Variants in KCMF1 observed in about 807,000 individuals in gnomAD.
The protein encoded by KCMF1 is E3 ubiquitin-protein ligase KCMF1.
Under a neutral mutation model 41.1 loss-of-function variants are expected in KCMF1, and 3 were observed. The observed-to-expected ratio is 0.07, with a 90% confidence interval of 0.03 to 0.19. The LOEUF is 0.19. KCMF1 is among the 10% of genes least tolerant of loss of function. The probability of loss-of-function intolerance (pLI) is 1.00; values close to 1 mark genes in which losing one functional copy is unlikely to be tolerated. For synonymous variants in KCMF1, 142 were observed against 164.5 expected (o/e 0.86, Z 1.04); for missense variants, 286 against 488.9 (o/e 0.58, Z 3.91).
chr2:84,986,390 G>C (rs1202132089), intron 1 of KCMF1, among the ~76,000 whole-genome samples: 1 of 152,146 alleles, frequency 6.6e-6, no homozygotes. Context: ...TTAAACTCAA[G>C]ACTTGAAGAA....
chr2:85,030,015 T>C (rs1182944290), intron 2 of KCMF1, among the ~76,000 whole-genome samples: 2 of 152,014 alleles, frequency 1.3e-5, no homozygotes, highest in African/African-American at 4.8e-5. Context: ...GCCCACACTT[T>C]TTGTCCTTTT....
chr2:84,991,186 A>G (rs898370403), intron 1 of KCMF1, among the ~76,000 whole-genome samples: 1 of 152,186 alleles, frequency 6.6e-6, no homozygotes, highest in African/African-American at 2.4e-5. Flanking sequence ...GGAGGAATCA[A>G]GGATGACAGC....
chr2:84,985,904 T>C (rs542913593), intron 1 of KCMF1, among the ~76,000 whole-genome samples: 88 of 152,096 alleles, frequency 5.8e-4, no homozygotes, highest in Non-Finnish European at 1.0e-3. Context: ...TAAAAAAATA[T>C]AACACAGAAA....
At chr2:85,030,192 G>A (rs187835933) in intron 2 of KCMF1, among the ~76,000 whole-genome samples, 11 of 152,170 alleles carry the variant, frequency 7.2e-5, no homozygotes, top group Admixed American at 2.0e-4. Context: ...ATTGGATAAT[G>A]TGTCTTTGTT....
chr2:84,998,963 T>TATCG (rs1674254890), intron 1 of KCMF1, among the ~76,000 whole-genome samples: 2 of 58,044 alleles, frequency 3.4e-5, no homozygotes, highest in Non-Finnish European at 6.3e-5. Context: ...TCTATCTATC[T>TATCG]ATCTGTCTGT....
intron 1 of KCMF1, among the ~76,000 whole-genome samples, chr2:84,990,037 GA>G (rs906068424): frequency 6.6e-6 from 1 of 152,218 alleles, no homozygotes; most frequent in Non-Finnish European, 1.5e-5. Flanking sequence ...TGAAACTTAA[GA>G]AGATGATTTT....
At chr2:85,041,823 A>G (rs926082039) in intron 3 of KCMF1, among the ~76,000 whole-genome samples, 4 of 150,898 alleles carry the variant, frequency 2.7e-5, no homozygotes, top group Non-Finnish European at 5.9e-5. Flanking sequence ...ACCAAAGACA[A>G]ATCACATTGT....
chr2:85,030,012 C>T (rs1221544466), intron 2 of KCMF1, among the ~76,000 whole-genome samples: 1 of 151,988 alleles, frequency 6.6e-6, no homozygotes, highest in Non-Finnish European at 1.5e-5. Flanking sequence ...CTAGCCCACA[C>T]TTTTTGTCCT....
At chr2:84,971,548 G>T in intron 1 of KCMF1, 81 bp downstream of exon 1, 1 of 795,890 alleles carries the variant, frequency 1.3e-6, no homozygotes, top group Non-Finnish European at 1.6e-6. Flanking sequence ...GAGGGCGGCC[G>T]GGAAGCGGCG....
chr2:85,056,042 C>T lies in KCMF1; in HGVS notation c.*2633C>T, dbSNP rs765054444. 1 of 151,838 alleles carries T rather than the reference C, an allele frequency of 6.6e-6. No homozygotes were observed. Among genetic ancestry groups the T allele is most frequent in the Non-Finnish European group, 1.5e-5 (1 of 67,994 alleles). 9.4% of individuals were successfully genotyped at this position (151,838 alleles called of 1,614,324 possible). A position where few individuals can be genotyped will look rare whatever the true frequency, so the allele number is the denominator to read the frequency against. Reference sequence around the variant, plus strand: ...GAAATAACTGTGCTTCCTTGTATGGCTGCAATCATAAGACAGAATTTCTGT... The same window carrying T: ...GAAATAACTGTGCTTCCTTGTATGGTTGCAATCATAAGACAGAATTTCTGT... On this transcript the variant is annotated 3_prime_UTR_variant, in exon 7 of 7. Transcript: ENST00000409785.
intron 1 of KCMF1, among the ~76,000 whole-genome samples, chr2:84,982,384 A>ATTTTT (rs1673783250): frequency 5.6e-5 from 2 of 35,878 alleles, no homozygotes; most frequent in African/African-American, 2.3e-4. Context: ...TGTGTTCCTT[A>ATTTTT]TTTTCTTTTT....
chr2:84,976,694 A>G (rs1361086792), intron 1 of KCMF1, among the ~76,000 whole-genome samples: 1 of 151,646 alleles, frequency 6.6e-6, no homozygotes, highest in African/African-American at 2.4e-5. Context: ...TATCTGATTT[A>G]TAATTTCTCT....
rs111878833 is a variant in KCMF1 at position 85,033,208 on chromosome 2, A to G, written c.185-1808A>G. ...CATTTAAATCTCCCTAAAAATGAAT[A>G]TGAACAAATCTATCACGTAATGAAC... On this transcript the variant is annotated intron_variant, in intron 2 of 6. Coordinates refer to ENST00000409785, the MANE Select transcript of KCMF1 (RefSeq NM_020122.5). Among the ~76,000 whole-genome samples, 727 of 152,376 alleles carry G rather than the reference A, an allele frequency of 4.8e-3. 6 individuals are homozygous for G. The highest frequency in any genetic ancestry group is 8.0e-3 in the Non-Finnish European group (547 of 68,040).
At chr2:85,049,311 G>A (rs547580985) in intron 5 of KCMF1, 55 bp from the exon 6 acceptor site, 17 of 1,553,946 alleles carry the variant, frequency 1.1e-5, no homozygotes, top group East Asian at 2.3e-5. Context: ...GATCTGTAGC[G>A]TTTTGTTTTC....
chr2:84,992,648 C>A (rs1484036069), intron 1 of KCMF1, among the ~76,000 whole-genome samples: 2 of 146,880 alleles, frequency 1.4e-5, no homozygotes, highest in South Asian at 2.2e-4. Flanking sequence ...TTGTTTTTTT[C>A]TTGAGACGGA....
chr2:85,007,590 T>C (rs1674503492), intron 1 of KCMF1, among the ~76,000 whole-genome samples: 1 of 152,120 alleles, frequency 6.6e-6, no homozygotes, highest in Non-Finnish European at 1.5e-5. Context: ...GCTGAACCTT[T>C]TTCCTTAAGG....
At chr2:84,988,160 A>C (rs1178640489) in intron 1 of KCMF1, among the ~76,000 whole-genome samples, 1 of 152,084 alleles carries the variant, frequency 6.6e-6, no homozygotes, top group Non-Finnish European at 1.5e-5. Flanking sequence ...TGAACCCAGG[A>C]GGCAGAGGTT....
intron 3 of KCMF1, among the ~76,000 whole-genome samples, chr2:85,040,518 C>T (rs1010496866): frequency 6.6e-6 from 1 of 152,186 alleles, no homozygotes; most frequent in South Asian, 2.1e-4. Flanking sequence ...TTTCTTTCTT[C>T]GTCTTGTTCC....
chr2:85,047,440 C>T (rs1410264438), intron 5 of KCMF1, among the ~76,000 whole-genome samples: 1 of 152,076 alleles, frequency 6.6e-6, no homozygotes, highest in Non-Finnish European at 1.5e-5. Context: ...GGACACATTT[C>T]AGAACTGTTA....
Sources: allele counts gnomAD v4.1 joint callset (sites outside exome capture counted in the v4.1 genomes callset), GRCh38; gene constraint gnomAD v4.1.1; transcripts MANE v1.5; gene names NCBI Gene and HGNC (gene_info 2026-07-23, HGNC 2026-07-21).